CDK12: variants seen among roughly 807,000 people sequenced by gnomAD.
CDK12 encodes cyclin dependent kinase 12.
A neutral mutation model predicts 133.8 loss-of-function variants in CDK12; 17 were observed. The observed-to-expected ratio is 0.13, with a 90% confidence interval of 0.09 to 0.19. CDK12 has a LOEUF of 0.19. Among genes scored for constraint, CDK12 ranks in the 10% least tolerant of loss-of-function variants. CDK12 has a pLI of 1.00. For missense variants in CDK12, 1,508 were observed against 1,818.7 expected, an observed-to-expected ratio of 0.83 and a Z score of 3.11; for synonymous variants, 694 against 683.6, an observed-to-expected ratio of 1.02 and a Z score of -0.24.
At chr17:39,563,543 CTCT>C (rs1453183673) in intron 3 of CDK12, among the ~76,000 whole-genome samples, 113 of 147,510 alleles carry the variant, frequency 7.7e-4, no homozygotes, top group Non-Finnish European at 1.4e-3. Flanking sequence ...TCCTCCCTCT[CTCT>C]TCTTCTTCCA....
chr17:39,520,202 A>T, intron 11 of CDK12, 115 bp downstream of exon 11: 1 of 1,089,962 alleles, frequency 9.2e-7, no homozygotes. Flanking sequence ...GGTGTCTTTG[A>T]GTATTATGGT....
Position 39,462,940 on chromosome 17 carries a change from G to T in CDK12, c.869G>T (p.Arg290Leu). 1 of 1,614,158 alleles carries T rather than the reference G, an allele frequency of 6.2e-7. No individual in the cohort carries two copies. Among genetic ancestry groups the T allele is most frequent in the South Asian group, 1.1e-5 (1 of 91,072 alleles). Residue 290 changes from arginine (R) to leucine (L), a missense_variant, in exon 1 of 14, where the codon CGG becomes CTG. Physicochemically the swap from Arg to Leu is moderately radical, Grantham distance 102. Coordinates refer to ENST00000447079, the MANE Select transcript of CDK12 (RefSeq NM_016507.4). ...CCTTCGGCCTACCAGTCCAGCACCCGGTCACCGAGCCCCTACAGTAGGCGA... is the reference window on the plus strand; with the variant it reads ...CCTTCGGCCTACCAGTCCAGCACCCTGTCACCGAGCCCCTACAGTAGGCGA... The part of the protein sequence containing the change: ...KEPSAYQSST[R>L]SPSPYSRRQR...
chr17:39,474,061 C>T (rs2050006308), intron 2 of CDK12, among the ~76,000 whole-genome samples: 1 of 151,982 alleles, frequency 6.6e-6, no homozygotes, highest in Non-Finnish European at 1.5e-5. Flanking sequence ...TGTCTCAAAA[C>T]AGTATATATG....
At chr17:39,508,199 C>T (rs1036380297) in intron 6 of CDK12, among the ~76,000 whole-genome samples, 14 of 152,194 alleles carry the variant, frequency 9.2e-5, no homozygotes, top group African/African-American at 2.6e-4. Context: ...TTGCTTCAGA[C>T]GGCGGGGGGA....
chr17:39,507,029 T>A (rs1402785027), intron 6 of CDK12, among the ~76,000 whole-genome samples: 3 of 151,962 alleles, frequency 2.0e-5, no homozygotes, highest in Non-Finnish European at 4.4e-5. Flanking sequence ...CCCAAGTGGC[T>A]AGGACTACAG....
chr17:39,487,333 A>T (rs1276704345), intron 2 of CDK12, among the ~76,000 whole-genome samples: 3 of 152,218 alleles, frequency 2.0e-5, no homozygotes, highest in Non-Finnish European at 4.4e-5. Flanking sequence ...AAATTCACAC[A>T]CAAGGGTTAA....
At chr17:39,497,885 T>C (rs541005251) in intron 5 of CDK12, among the ~76,000 whole-genome samples, 1 of 152,042 alleles carries the variant, frequency 6.6e-6, no homozygotes, top group African/African-American at 2.4e-5. Flanking sequence ...GATTACGAAC[T>C]TGGGCCACCG....
intron 1 of CDK12, among the ~76,000 whole-genome samples, chr17:39,467,762 T>C (rs2049458071): frequency 6.6e-6 from 1 of 152,202 alleles, no homozygotes; most frequent in Non-Finnish European, 1.5e-5. Context: ...GCCAAATATG[T>C]ACAGAAGGAA....
chr17:39,530,740 C>T lies in CDK12; in HGVS notation c.3897C>T (p.Ala1299=), dbSNP rs1175881008. 5.0e-6 allele frequency: 8 copies of T among 1,614,048 alleles called. No homozygotes were observed. The South Asian group carries it at 6.6e-5, about 13-fold the overall frequency. ...AGGAGTTGAACCCAGCCGTGACAGC[C>T]GCCTTGCTGCAACTTTTATCCCAGC... ...APQELNPAVT[A]ALLQLLSQPE... Residue 1299 remains alanine (A), a synonymous_variant, in exon 14 of 14, where the codon GCC becomes GCT. Transcript: ENST00000447079.
At chr17:39,556,435 G>T (rs2056165445) in intron 3 of CDK12, 1 of 152,400 alleles carries the variant, frequency 6.6e-6, no homozygotes. Flanking sequence ...GCCATGAAGG[G>T]CCCTGCCCTG....
At chr17:39,523,802 C>T (rs573732184) in intron 11 of CDK12, among the ~76,000 whole-genome samples, 7 of 152,106 alleles carry the variant, frequency 4.6e-5, no homozygotes, top group African/African-American at 1.4e-4. Context: ...TACAGGCACA[C>T]ACCACCACAC....
chr17:39,511,214 C>CAAA (rs59984042), intron 7 of CDK12, among the ~76,000 whole-genome samples: 5 of 74,834 alleles, frequency 6.7e-5, no homozygotes, highest in South Asian at 5.8e-4. Flanking sequence ...GACACCGTCT[C>CAAA]AAAAAAAAAA....
chr17:39,481,991 A>G (rs1268936713), intron 2 of CDK12, among the ~76,000 whole-genome samples: 1 of 125,750 alleles, frequency 8.0e-6, no homozygotes. Flanking sequence ...AAGTGCTGGG[A>G]TTACAGGCAT....
chr17:39,492,877 G>T lies in CDK12; in HGVS notation c.2235G>T (p.Lys745Asn), dbSNP rs775721966. The T allele has an allele frequency of 6.2e-7, 1 of 1,605,332 alleles. No homozygotes were observed. Among genetic ancestry groups the T allele is most frequent in the South Asian group, 1.1e-5 (1 of 88,826 alleles). The change falls in exon 4 of 14, where the codon AAG (lysine) becomes AAT (asparagine). Residue 745 changes from lysine (K) to asparagine (N), a missense_variant. Coordinates refer to ENST00000447079, the MANE Select transcript of CDK12 (RefSeq NM_016507.4). ...CCTATGGCCAAGTATATAAAGCCAA[G>T]GACAAAGACACAGGTAAATATTGCC... ...EGTYGQVYKA[K>N]DKDTGELVAL...
In CDK12 at chr17:39,481,694, C is replaced by T. The variant is rs1597984040; in HGVS notation, c.1932-8863C>T. On this transcript the variant is annotated intron_variant, in intron 2 of 13. Coordinates refer to ENST00000447079, the MANE Select transcript of CDK12 (RefSeq NM_016507.4). ...TCTCTCTCTCTCTCTCTCTCTCTCT[C>T]TCTCTCTCTCTCTCTCTTTCTCTTT... Among the ~76,000 whole-genome samples, 7 of 13,220 alleles carry T rather than the reference C, an allele frequency of 5.3e-4. 3 individuals carry two copies. The highest frequency in any genetic ancestry group is 1.6e-3 in the Admixed American group (2 of 1,268). 8.7% of individuals were successfully genotyped at this position (13,220 alleles called of 152,430 possible). A position where few individuals can be genotyped will look rare whatever the true frequency, so the allele number is the denominator to read the frequency against.
At chr17:39,463,250 C>T in intron 1 of CDK12, 133 bp downstream of exon 1, 1 of 775,084 alleles carries the variant, frequency 1.3e-6, no homozygotes, top group African/African-American at 1.7e-5. Context: ...GCTAGTCATT[C>T]CAGTGTGTGA....
chr17:39,538,841 G>C (rs2055265970), downstream of CDK12, among the ~76,000 whole-genome samples: 1 of 152,210 alleles, frequency 6.6e-6, no homozygotes, highest in Admixed American at 6.5e-5. Context: ...GGAGGTTGCA[G>C]TGAGTGAAGA....
At chr17:39,563,408 T>C (rs2056453341) in intron 3 of CDK12, among the ~76,000 whole-genome samples, 1 of 151,024 alleles carries the variant, frequency 6.6e-6, no homozygotes. Context: ...TCTCTCTCTC[T>C]TTTTACTTGT....
At chr17:39,527,915 C>CT (rs1298530199) in intron 13 of CDK12, among the ~76,000 whole-genome samples, 5 of 150,606 alleles carry the variant, frequency 3.3e-5, no homozygotes, top group Admixed American at 1.3e-4. Context: ...AAAGTCCGTA[C>CT]TTTTTTTTTG....
Sources: allele counts gnomAD v4.1 joint callset (sites outside exome capture counted in the v4.1 genomes callset), GRCh38; gene constraint gnomAD v4.1.1; transcripts MANE v1.5; gene names NCBI Gene and HGNC (gene_info 2026-07-23, HGNC 2026-07-21).